Variants in ADAM23 observed in about 807,000 individuals in gnomAD.
ADAM23 encodes disintegrin and metalloproteinase domain-containing protein 23.
ADAM23 carries 33 observed loss-of-function variants against 120.1 expected under a neutral mutation model. The ratio of observed to expected loss-of-function variants is 0.27; its 90% confidence interval spans 0.21 to 0.37. The LOEUF (loss-of-function observed/expected upper bound fraction) is 0.37. Ranked by LOEUF, ADAM23 falls within the 10% of genes least tolerant of loss-of-function variation. The probability of loss-of-function intolerance (pLI) is 1.00; values close to 1 mark genes in which losing one functional copy is unlikely to be tolerated. For synonymous variants in ADAM23, 367 were observed against 375.2 expected, an observed-to-expected ratio of 0.98 and a Z score of 0.25; for missense variants, 862 against 1,058.2, an observed-to-expected ratio of 0.81 and a Z score of 2.57.
At chr2:206,526,092 G>T (rs1696938748) in intron 3 of ADAM23, among the ~76,000 whole-genome samples, 1 of 151,612 alleles carries the variant, frequency 6.6e-6, no homozygotes, top group Non-Finnish European at 1.5e-5. Flanking sequence ...CTGTTTATGT[G>T]TCTACTTACA....
At chr2:206,597,952 ATGCATTTGC>A (rs1277916780) in intron 24 of ADAM23, among the ~76,000 whole-genome samples, 1 of 152,236 alleles carries the variant, frequency 6.6e-6, no homozygotes, top group African/African-American at 2.4e-5. Flanking sequence ...AACACATTTT[ATGCATTTGC>A]TTAATATGCC....
intron 3 of ADAM23, among the ~76,000 whole-genome samples, chr2:206,508,057 T>G (rs1020978033): frequency 2.0e-5 from 3 of 151,730 alleles, no homozygotes; most frequent in African/African-American, 7.3e-5. Context: ...TGAGACGGAG[T>G]CTCGCTCTGT....
chr2:206,586,057 A>G (rs1403629360), intron 18 of ADAM23, among the ~76,000 whole-genome samples: 1 of 152,162 alleles, frequency 6.6e-6, no homozygotes, highest in Non-Finnish European at 1.5e-5. Context: ...GACAACGGGA[A>G]AGCAAAGGCA....
At chr2:206,600,581 C>G (rs1015230023) in intron 24 of ADAM23, among the ~76,000 whole-genome samples, 2 of 152,160 alleles carry the variant, frequency 1.3e-5, no homozygotes, top group African/African-American at 4.8e-5. Flanking sequence ...TCCGTCTTCA[C>G]TGATTTGAGA....
At chr2:206,508,571 G>A (rs542908859) in intron 3 of ADAM23, among the ~76,000 whole-genome samples, 42 of 150,542 alleles carry the variant, frequency 2.8e-4, no homozygotes, top group Admixed American at 1.5e-3. Flanking sequence ...CAGGAGAATC[G>A]CTTGAACCTG....
chr2:206,506,951 G>C (rs1453418774), intron 3 of ADAM23, among the ~76,000 whole-genome samples: 1 of 152,148 alleles, frequency 6.6e-6, no homozygotes, highest in African/African-American at 2.4e-5. Flanking sequence ...AAAAGAGTGG[G>C]ATGGCTGAAA....
chr2:206,459,845 A>G (rs1695378200), intron 2 of ADAM23, among the ~76,000 whole-genome samples: 1 of 152,178 alleles, frequency 6.6e-6, no homozygotes. Context: ...CATCATGCCA[A>G]GCCATCAAGT....
At chr2:206,600,444 A>C (rs945321901) in intron 24 of ADAM23, among the ~76,000 whole-genome samples, 11 of 152,190 alleles carry the variant, frequency 7.2e-5, no homozygotes, top group Non-Finnish European at 1.5e-4. Context: ...TAGAGAAAAA[A>C]ATTCAAGAAA....
chr2:206,527,710 A>G (rs1417474428), intron 3 of ADAM23, among the ~76,000 whole-genome samples: 3 of 152,228 alleles, frequency 2.0e-5, no homozygotes, highest in Admixed American at 6.5e-5. Flanking sequence ...TGCATTAGGC[A>G]TTATGCCAGG....
rs564594670 is a variant in ADAM23 at position 206,618,348 on chromosome 2, A to G, written c.*721A>G. ...TTGCTCTTGTTGATTCACTTTCCCC[A>G]TTGTGTTTTCTCCTGGACTGAGCAT... is the stretch of plus-strand genomic sequence containing the variant. On this transcript the variant is annotated 3_prime_UTR_variant, in exon 26 of 26. Transcript: ENST00000264377. 4 of 151,336 alleles carry G rather than the reference A, an allele frequency of 2.6e-5. No homozygotes were observed. The highest frequency in any genetic ancestry group is 1.3e-4 in the Admixed American group (2 of 15,208). 9.4% of individuals were successfully genotyped at this position (151,336 alleles called of 1,614,324 possible).
chr2:206,583,636 A>G (rs1301794755), intron 18 of ADAM23, among the ~76,000 whole-genome samples: 1 of 151,924 alleles, frequency 6.6e-6, no homozygotes. Flanking sequence ...TCTTTCTTCT[A>G]CTTGTTCATT....
chr2:206,599,508 AT>A (rs1461639590), intron 24 of ADAM23, among the ~76,000 whole-genome samples: 1 of 152,228 alleles, frequency 6.6e-6, no homozygotes, highest in East Asian at 1.9e-4. Flanking sequence ...TATTTAAAAA[AT>A]CTATTAATAT....
rs368257883 is a variant in ADAM23 at position 206,447,177 on chromosome 2, G to A, written c.432+1653G>A. On this transcript the variant is annotated intron_variant, in intron 2 of 25. Transcript: ENST00000264377. ...TGGCTGTTTTCTTTGGTGGGACGTG[G>A]TTTGACTGTAATATACCTGACTTCC... Among the ~76,000 whole-genome samples the A allele has an allele frequency of 3.4e-3, 525 of 152,268 alleles. 3 individuals are homozygous for A. Among genetic ancestry groups the A allele is most frequent in the African/African-American group, 0.012 (493 of 41,556 alleles).
At chr2:206,499,555 G>T (rs1318358292) in intron 3 of ADAM23, among the ~76,000 whole-genome samples, 1 of 151,078 alleles carries the variant, frequency 6.6e-6, no homozygotes, top group Non-Finnish European at 1.5e-5. Context: ...CGAGTTAATG[G>T]GTGCAGCAAA....
At chr2:206,542,179 G>A in intron 5 of ADAM23, 45 bp downstream of exon 5, 3 of 1,575,122 alleles carry the variant, frequency 1.9e-6, no homozygotes, top group South Asian at 1.1e-5. Flanking sequence ...ACCCTTTCCA[G>A]TTTCCCTTTT....
At chr2:206,601,684 G>A (rs1698642580) in intron 24 of ADAM23, among the ~76,000 whole-genome samples, 1 of 151,736 alleles carries the variant, frequency 6.6e-6, no homozygotes, top group Admixed American at 6.6e-5. Flanking sequence ...TGAAGTGGGA[G>A]GATCACCTAA....
chr2:206,600,657 T>C (rs547586729), intron 24 of ADAM23, among the ~76,000 whole-genome samples: 12 of 152,272 alleles, frequency 7.9e-5, no homozygotes, highest in African/African-American at 1.9e-4. Context: ...CCTGGAAGAA[T>C]AGGAAATTCA....
chr2:206,607,893 A>G lies in ADAM23; in HGVS notation c.2360-2017A>G, dbSNP rs941370807. ...GAATTCCATGGACAGTTTTTTTTTT[A>G]ATTTCTCCTTAGTTTATAAGTCAGG... On this transcript the variant is annotated intron_variant, in intron 24 of 25. Transcript: ENST00000264377. 3.9e-4 allele frequency: 151 copies of G among 388,374 alleles called. 1 individual carries two copies. The highest frequency in any genetic ancestry group is 2.6e-3 in the Admixed American group (68 of 26,390). The allele number at this position is 388,374 out of a possible 1,614,324, so 24.1% of individuals were successfully genotyped here.
At chr2:206,517,971 G>C (rs987788120) in intron 3 of ADAM23, among the ~76,000 whole-genome samples, 1 of 152,184 alleles carries the variant, frequency 6.6e-6, no homozygotes, top group Admixed American at 6.5e-5. Flanking sequence ...GGATTTGGCT[G>C]CTTCTGGAAT....
Sources: allele counts gnomAD v4.1 joint callset (sites outside exome capture counted in the v4.1 genomes callset), GRCh38; gene constraint gnomAD v4.1.1; transcripts MANE v1.5; gene names NCBI Gene and HGNC (gene_info 2026-07-23, HGNC 2026-07-21).